Variants in RTTN observed in about 807,000 individuals in gnomAD.
The protein encoded by RTTN is rotatin.
Under a neutral mutation model 269.2 loss-of-function variants are expected in RTTN, and 182 were observed. The ratio of observed to expected loss-of-function variants is 0.68; its 90% CI spans 0.60 to 0.76. The LOEUF is 0.76. Among genes scored for constraint, RTTN ranks in the 30% least tolerant of loss-of-function variants. The pLI, the probability that RTTN is intolerant of heterozygous loss-of-function variation, is 0.00. For synonymous variants in RTTN, 1,006 were observed against 963.5 expected (o/e 1.04, Z -0.82); for missense variants, 2,545 against 2,608.6 (o/e 0.98, Z 0.53).
chr18:70,190,775 T>C (rs551125846), intron 8 of RTTN, 56 bp from the exon 9 acceptor site: 2 of 1,262,770 alleles, frequency 1.6e-6, no homozygotes, highest in South Asian at 2.6e-5. Context: ...CAAACAGATT[T>C]ACTGCATATC....
At chr18:70,063,770 T>C (rs2058055837) in intron 35 of RTTN, among the ~76,000 whole-genome samples, 1 of 152,120 alleles carries the variant, frequency 6.6e-6, no homozygotes, top group South Asian at 2.1e-4. Context: ...AGAATATAAA[T>C]TGATACATAT....
At chr18:70,158,701 C>T (rs1332144192) in intron 14 of RTTN, among the ~76,000 whole-genome samples, 6 of 152,254 alleles carry the variant, frequency 3.9e-5, no homozygotes, top group African/African-American at 1.2e-4. Context: ...AGAGACCCAA[C>T]TCACATGCAG....
chr18:70,100,520 G>A lies in RTTN; in HGVS notation c.3904-7716C>T, dbSNP rs543288608. ...TTCTAAATATACAATCATGTCATCTGCAAACAGGGACAATTTGACTTCCTC... is the reference window on the plus strand; with the variant it reads ...TTCTAAATATACAATCATGTCATCTACAAACAGGGACAATTTGACTTCCTC... On this transcript the variant is annotated intron_variant, in intron 28 of 48. Coordinates refer to ENST00000640769, the MANE Select transcript of RTTN (RefSeq NM_173630.4). Among the ~76,000 whole-genome samples, 127 of 152,314 alleles carry A rather than the reference G, an allele frequency of 8.3e-4. 3 individuals carry two copies. The highest frequency in any genetic ancestry group is 2.9e-3 in the African/African-American group (122 of 41,578).
At chr18:70,032,075 A>G (rs1032563396) in intron 40 of RTTN, among the ~76,000 whole-genome samples, 1 of 152,152 alleles carries the variant, frequency 6.6e-6, no homozygotes, top group Non-Finnish European at 1.5e-5. Context: ...GAGCCCAGAG[A>G]GTTTGGTATG....
intron 14 of RTTN, among the ~76,000 whole-genome samples, chr18:70,152,724 C>T (rs979391934): frequency 1.2e-4 from 18 of 152,066 alleles, no homozygotes; most frequent in Admixed American, 3.3e-4. Context: ...GCTCCACGTC[C>T]GTAATACCTC....
At chr18:70,113,853 T>C (rs1004043755) in intron 27 of RTTN, among the ~76,000 whole-genome samples, 2 of 152,212 alleles carry the variant, frequency 1.3e-5, no homozygotes, top group East Asian at 1.9e-4. Context: ...TCCACAGACA[T>C]AGAAAGAAGA....
chr18:70,136,202 C>T (rs1211014356), intron 21 of RTTN, among the ~76,000 whole-genome samples: 1 of 120,972 alleles, frequency 8.3e-6, no homozygotes, highest in Non-Finnish European at 1.8e-5. Flanking sequence ...ATAGAATGAA[C>T]CATAATATTT....
At chr18:70,118,372 G>C (rs1187379628) in intron 26 of RTTN, among the ~76,000 whole-genome samples, 2 of 151,830 alleles carry the variant, frequency 1.3e-5, no homozygotes, top group African/African-American at 2.4e-5. Context: ...TAGACACATA[G>C]AGCTACCAAG....
chr18:70,147,594 G>A (rs1026272120), intron 17 of RTTN, among the ~76,000 whole-genome samples: 2 of 152,102 alleles, frequency 1.3e-5, no homozygotes, highest in Non-Finnish European at 2.9e-5. Flanking sequence ...ATTAGCCAAC[G>A]GACAGGGTTC....
intron 36 of RTTN, among the ~76,000 whole-genome samples, chr18:70,058,983 GCAAGA>G (rs1178528582): frequency 1.3e-5 from 2 of 152,172 alleles, no homozygotes; most frequent in Non-Finnish European, 2.9e-5. Context: ...GCAAGAAGAT[GCAAGA>G]CATTTCAGAT....
chr18:70,085,638 T>A (rs2058681377), intron 32 of RTTN, among the ~76,000 whole-genome samples: 1 of 152,166 alleles, frequency 6.6e-6, no homozygotes, highest in Non-Finnish European at 1.5e-5. Context: ...CCCCAATAAG[T>A]GTACTTTTGT....
chr18:70,048,585 T>C (rs530973985), intron 39 of RTTN, among the ~76,000 whole-genome samples: 21 of 151,894 alleles, frequency 1.4e-4, no homozygotes, highest in African/African-American at 5.1e-4. Flanking sequence ...ACTTGAAAAA[T>C]TGGATTTATA....
chr18:70,188,013 T>C, intron 10 of RTTN, 95 bp downstream of exon 10: 1 of 698,076 alleles, frequency 1.4e-6, no homozygotes, highest in Non-Finnish European at 2.5e-6. Flanking sequence ...AGAAAAAAGA[T>C]TTTGAACACG....
At chr18:70,004,511 C>T (rs1298790183) in intron 48 of RTTN, among the ~76,000 whole-genome samples, 4 of 151,918 alleles carry the variant, frequency 2.6e-5, no homozygotes, top group East Asian at 3.9e-4. Flanking sequence ...CAAATGAATG[C>T]CATTAATCTT....
Position 70,166,043 on chromosome 18 carries a change from C to G in RTTN, c.1929+19G>C. ...TATTTGTTCTCAAAAACAAAACATA[C>G]GAAAAAACAAAACCTCACCTTCGTG... On this transcript the variant is annotated intron_variant, in intron 14 of 48. Coordinates refer to ENST00000640769, the MANE Select transcript of RTTN (RefSeq NM_173630.4). The G allele has an allele frequency of 1.2e-6, 2 of 1,611,090 alleles. No individual in the cohort carries two copies. The highest frequency in any genetic ancestry group is 1.7e-6 in the Non-Finnish European group (2 of 1,178,378).
chr18:70,128,293 A>C (rs2059916485), intron 24 of RTTN, 65 bp downstream of exon 24: 1 of 1,393,582 alleles, frequency 7.2e-7, no homozygotes, highest in Admixed American at 2.0e-5. Flanking sequence ...GGAAAAAGTA[A>C]AACTTAACTA....
At chr18:70,098,277 T>C (rs1173918738) in intron 28 of RTTN, among the ~76,000 whole-genome samples, 1 of 152,002 alleles carries the variant, frequency 6.6e-6, no homozygotes, top group African/African-American at 2.4e-5. Context: ...AATTAACAAC[T>C]TAACATCACA....
At chr18:70,145,474 C>T (rs1157645326) in intron 18 of RTTN, 138 bp downstream of exon 18, 5 of 616,950 alleles carry the variant, frequency 8.1e-6, no homozygotes, top group Middle Eastern at 8.6e-4. Context: ...AGCCAGAACA[C>T]AATTTCAAAC....
At position 70,205,479 on chromosome 18, in the gene RTTN, A is replaced by C. The variant is rs571373225; in HGVS notation, c.31+149T>G. ...AACCGCGAAGTTTACACAAAGTCCG[A>C]GATGGGTCCCCGGGGGCTATCCTGA... On this transcript the variant is annotated intron_variant, in intron 1 of 48. Coordinates refer to ENST00000640769, the MANE Select transcript of RTTN (RefSeq NM_173630.4). 10 of 1,325,338 alleles carry C rather than the reference A, an allele frequency of 7.5e-6. No individual in the cohort carries two copies. In the South Asian group the frequency reaches 1.1e-4, roughly 15 times the overall value. 82.1% of individuals were successfully genotyped at this position (1,325,338 alleles called of 1,614,324 possible). A position where few individuals can be genotyped will look rare whatever the true frequency, so the allele number is the denominator to read the frequency against.
Sources: gnomAD v4.1 joint callset for allele counts (sites outside exome capture counted in the v4.1 genomes callset) on GRCh38, gnomAD v4.1.1 for gene constraint, MANE v1.5 for transcripts, NCBI Gene and HGNC (gene_info 2026-07-23, HGNC 2026-07-21) for gene names.